Variants in SLC1A3 observed in about 807,000 individuals in gnomAD.
SLC1A3 encodes solute carrier family 1 member 3, also known as excitatory amino acid transporter 1.
A neutral mutation model predicts 48.1 loss-of-function variants in SLC1A3; 21 were observed. The ratio of observed to expected loss-of-function variants is 0.44; its 90% CI spans 0.31 to 0.63. The LOEUF is 0.63. Among genes scored for constraint, SLC1A3 ranks in the 20% least tolerant of loss-of-function variants. The pLI is 0.08. For missense variants in SLC1A3, 546 were observed against 689.0 expected, an observed-to-expected ratio of 0.79 and a Z score of 2.32; for synonymous variants, 239 against 251.4, an observed-to-expected ratio of 0.95 and a Z score of 0.47.
intron 3 of SLC1A3, among the ~76,000 whole-genome samples, chr5:36,637,918 C>T (rs1315227989): frequency 1.4e-5 from 2 of 147,662 alleles, no homozygotes; most frequent in South Asian, 4.3e-4. Flanking sequence ...TGAAATGGAG[C>T]TTGGGAGTTG....
chr5:36,607,854 A>G (rs2111652299), intron 1 of SLC1A3, among the ~76,000 whole-genome samples: 1 of 152,354 alleles, frequency 6.6e-6, no homozygotes, highest in South Asian at 2.1e-4. Context: ...TGCATGTAAC[A>G]GAGACAACTC....
Position 36,687,884 on chromosome 5 carries a change from G to A in SLC1A3, c.*1615G>A, listed in dbSNP as rs990932958. Reference sequence around the variant, plus strand: ...GCTGAGTGGGAGCTGTCAGGCAGTAGCAGCTGTGTTTGAGTTTCTGGCTGA... The same window carrying A: ...GCTGAGTGGGAGCTGTCAGGCAGTAACAGCTGTGTTTGAGTTTCTGGCTGA... On this transcript the variant is annotated 3_prime_UTR_variant, in exon 10 of 10. Coordinates refer to ENST00000265113, the MANE Select transcript of SLC1A3 (RefSeq NM_004172.5). The A allele has an allele frequency of 6.6e-6, 1 of 152,592 alleles. No homozygotes were observed. Among genetic ancestry groups the A allele is most frequent in the African/African-American group, 2.4e-5 (1 of 41,438 alleles). The allele number at this position is 152,592 out of a possible 1,614,324, so 9.5% of individuals were successfully genotyped here.
At chr5:36,604,830 C>T (rs1579933885), upstream of SLC1A3, among the ~76,000 whole-genome samples, 2 of 146,780 alleles carry the variant, frequency 1.4e-5, no homozygotes, top group Admixed American at 1.4e-4. Context: ...CTTGAAACCC[C>T]ATTTAAAATC....
In SLC1A3 at chr5:36,611,330, A is replaced by C. The variant is rs910068885; in HGVS notation, c.181+2726A>C. ...TGGGAAAACCTATGTACTGGGTTGA[A>C]TCTTTTGTTTAGACTGTTTTTTTTT... On this transcript the variant is annotated intron_variant, in intron 2 of 9. Coordinates refer to ENST00000265113, the MANE Select transcript of SLC1A3 (RefSeq NM_004172.5). 1.2e-4 allele frequency among the ~76,000 whole-genome samples: 18 copies of C among 145,384 alleles called. No homozygotes were observed. In the Admixed American group the frequency reaches 1.3e-3, roughly 10 times the overall value.
At chr5:36,628,422 A>AC (rs936597957) in intron 2 of SLC1A3, among the ~76,000 whole-genome samples, 1 of 151,308 alleles carries the variant, frequency 6.6e-6, no homozygotes, top group African/African-American at 2.4e-5. Context: ...CCAACCCACC[A>AC]CCCCCAGCCT....
intron 2 of SLC1A3, chr5:36,613,041 A>T (rs1739273572): frequency 2.9e-6 from 1 of 342,324 alleles, no homozygotes; most frequent in Non-Finnish European, 5.8e-6. Flanking sequence ...GTGGCTGATG[A>T]TGCCACATTT....
intron 1 of SLC1A3, among the ~76,000 whole-genome samples, chr5:36,601,416 C>T (rs139841363): frequency 6.6e-6 from 1 of 152,318 alleles, no homozygotes; most frequent in East Asian, 1.9e-4. Context: ...GATTTAGAAT[C>T]AGGAAAGCGA....
chr5:36,600,528 G>A (rs1431300272), intron 1 of SLC1A3, among the ~76,000 whole-genome samples: 3 of 152,170 alleles, frequency 2.0e-5, no homozygotes, highest in African/African-American at 7.2e-5. Flanking sequence ...GAGGCCTGGG[G>A]TACGAGTCAA....
At chr5:36,661,799 G>A (rs571937089) in intron 3 of SLC1A3, among the ~76,000 whole-genome samples, 107 of 152,292 alleles carry the variant, frequency 7.0e-4, no homozygotes, top group African/African-American at 2.3e-3. Context: ...GGCCTTCCTT[G>A]GGAAGAAAGG....
chr5:36,653,264 G>C (rs1022571944), intron 3 of SLC1A3, among the ~76,000 whole-genome samples: 1 of 152,194 alleles, frequency 6.6e-6, no homozygotes, highest in African/African-American at 2.4e-5. Flanking sequence ...ACAGATGCTA[G>C]GTGTTTGGCA....
At chr5:36,611,240 T>C (rs776539526) in intron 2 of SLC1A3, among the ~76,000 whole-genome samples, 59 of 150,312 alleles carry the variant, frequency 3.9e-4, no homozygotes, top group Non-Finnish European at 7.4e-4. Context: ...GCTATAGTTA[T>C]TACCTAGTTT....
chr5:36,605,525 G>A (rs1013361595), upstream of SLC1A3, among the ~76,000 whole-genome samples: 3 of 151,876 alleles, frequency 2.0e-5, no homozygotes, highest in East Asian at 1.9e-4. Flanking sequence ...TGTATTGAGG[G>A]GAAAAAAGAC....
At chr5:36,608,869 C>A in intron 2 of SLC1A3, 1 of 1,204,878 alleles carries the variant, frequency 8.3e-7, no homozygotes, top group Non-Finnish European at 1.0e-6. Flanking sequence ...TTTCCCATTT[C>A]ATGTAAGGAT....
chr5:36,638,453 A>T (rs1740479949), intron 3 of SLC1A3, among the ~76,000 whole-genome samples: 1 of 152,166 alleles, frequency 6.6e-6, no homozygotes, highest in African/African-American at 2.4e-5. Context: ...TACCTACTTC[A>T]AAGTAAATTG....
chr5:36,609,492 G>A (rs902662945), intron 2 of SLC1A3, among the ~76,000 whole-genome samples: 11 of 152,112 alleles, frequency 7.2e-5, no homozygotes, highest in African/African-American at 2.4e-4. Context: ...ATTCAGTACC[G>A]TTTTAATCTC....
At chr5:36,676,838 T>C in intron 5 of SLC1A3, 54 bp from the exon 6 acceptor site, 1 of 1,393,764 alleles carries the variant, frequency 7.2e-7, no homozygotes, top group Non-Finnish European at 9.8e-7. Flanking sequence ...TAGGAAAATA[T>C]AAAGAAAAAA....
rs151115063 is a variant in SLC1A3, at chr5:36,652,890, G to A, written c.320-18139G>A. ...GTGACTGCTGTGAATAGCAAACTTGGAAATGCTTTGGGTGAGGGTACAATA... is the reference window on the plus strand; with the variant it reads ...GTGACTGCTGTGAATAGCAAACTTGAAAATGCTTTGGGTGAGGGTACAATA... On this transcript the variant is annotated intron_variant, in intron 3 of 9. Transcript: ENST00000265113. Among the ~76,000 whole-genome samples the A allele has an allele frequency of 1.9e-3, 291 of 152,336 alleles. 1 individual carries two copies. The highest frequency in any genetic ancestry group is 6.9e-3 in the African/African-American group (287 of 41,574).
intron 3 of SLC1A3, among the ~76,000 whole-genome samples, chr5:36,637,377 G>A (rs1740438307): frequency 1.3e-5 from 2 of 152,176 alleles, no homozygotes; most frequent in Admixed American, 1.3e-4. Context: ...GTAATAAAAG[G>A]CATACGGCTT....
intron 3 of SLC1A3, chr5:36,649,284 G>T (rs1029374579): frequency 6.7e-6 from 1 of 149,042 alleles, no homozygotes; most frequent in Non-Finnish European, 1.5e-5. Context: ...GGAGGTGGAG[G>T]TTGCAGTGAA....
Sources: gnomAD v4.1 joint callset for allele counts (sites outside exome capture counted in the v4.1 genomes callset) on GRCh38, gnomAD v4.1.1 for gene constraint, MANE v1.5 for transcripts, NCBI Gene and HGNC (gene_info 2026-07-23, HGNC 2026-07-21) for gene names.